The following SNTG1 variants were observed in gnomAD, a reference collection of about 807,000 sequenced individuals.
SNTG1 encodes syntrophin gamma 1, also known as gamma-1-syntrophin.
Under a neutral mutation model 74.7 loss-of-function variants are expected in SNTG1, and 39 were observed. The observed-to-expected ratio is 0.52, with a 90% CI of 0.40 to 0.68. The LOEUF (loss-of-function observed/expected upper bound fraction) is 0.68. Among genes scored for constraint, SNTG1 ranks in the 30% least tolerant of loss-of-function variants. The pLI is 0.00. For synonymous variants in SNTG1, 254 were observed against 217.1 expected (o/e 1.17, Z -1.49); for missense variants, 685 against 609.5 (o/e 1.12, Z -1.30).
At chr8:49,997,455 T>G (rs570764879) in intron 1 of SNTG1, among the ~76,000 whole-genome samples, 1 of 152,148 alleles carries the variant, frequency 6.6e-6, no homozygotes, top group Non-Finnish European at 1.5e-5. Flanking sequence ...AGAGGAGTCA[T>G]GTACTTCCTG....
intron 1 of SNTG1, among the ~76,000 whole-genome samples, chr8:50,068,724 G>C (rs1299965768): frequency 6.6e-6 from 1 of 151,926 alleles, no homozygotes; most frequent in African/African-American, 2.4e-5. Flanking sequence ...ATTCACTACA[G>C]TATCTGTAGT....
intron 2 of SNTG1, among the ~76,000 whole-genome samples, chr8:50,282,854 A>C (rs2088553288): frequency 1.3e-5 from 2 of 152,208 alleles, no homozygotes; most frequent in Admixed American, 1.3e-4. Flanking sequence ...CATTCCATCC[A>C]ATCCTTGGTA....
At chr8:49,922,295 G>A (rs530581355) in intron 1 of SNTG1, among the ~76,000 whole-genome samples, 1 of 152,180 alleles carries the variant, frequency 6.6e-6, no homozygotes, top group Non-Finnish European at 1.5e-5. Flanking sequence ...CTTGGTACTA[G>A]AGGAGTGAAT....
At chr8:50,318,288 G>C (rs1384798336) in intron 2 of SNTG1, among the ~76,000 whole-genome samples, 1 of 152,142 alleles carries the variant, frequency 6.6e-6, no homozygotes, top group Non-Finnish European at 1.5e-5. Flanking sequence ...AATGTTTGAA[G>C]GTAATTATAC....
In SNTG1 at chr8:50,106,620, G is replaced by A. The variant is rs528179716; in HGVS notation, c.-102-65941G>A. On this transcript the variant is annotated intron_variant, in intron 1 of 18. Transcript: ENST00000642720. ...GTTTGTTGAGGATTTTTAACATGAA[G>A]GATGTTGAATTCTATCAAAAGTATT... Among the ~76,000 whole-genome samples the A allele has an allele frequency of 5.3e-5, 8 of 152,194 alleles. 1 individual carries two copies. The South Asian group carries it at 1.7e-3, about 32-fold the overall frequency.
chr8:50,040,104 G>C (rs1330827863), intron 1 of SNTG1, among the ~76,000 whole-genome samples: 2 of 152,150 alleles, frequency 1.3e-5, no homozygotes, highest in African/African-American at 4.8e-5. Context: ...GGACAGGCAA[G>C]CTAAGAGCAG....
At chr8:50,684,517 C>A (rs930333370) in intron 15 of SNTG1, among the ~76,000 whole-genome samples, 2 of 151,908 alleles carry the variant, frequency 1.3e-5, no homozygotes, top group Non-Finnish European at 2.9e-5. Flanking sequence ...AGGGAAAATT[C>A]TGTCTGATGT....
chr8:50,780,184 C>T (rs2095654607), intron 18 of SNTG1, among the ~76,000 whole-genome samples: 1 of 152,122 alleles, frequency 6.6e-6, no homozygotes, highest in Non-Finnish European at 1.5e-5. Flanking sequence ...TATGTCTCTG[C>T]CTGGCTTTGG....
intron 18 of SNTG1, among the ~76,000 whole-genome samples, chr8:50,776,475 T>A (rs1467933339): frequency 6.8e-6 from 1 of 147,574 alleles, no homozygotes; most frequent in East Asian, 2.0e-4. Context: ...TTATGTACTA[T>A]AAATATTGTT....
At chr8:50,363,359 A>G (rs117314654) in intron 2 of SNTG1, among the ~76,000 whole-genome samples, 5,684 of 152,260 alleles carry the variant, frequency 0.037, 144 homozygotes, top group Middle Eastern at 0.085. Context: ...GTTGTGGCCT[A>G]TGTGCAGGTA....
At chr8:50,409,814 G>A (rs1410248874) in intron 4 of SNTG1, among the ~76,000 whole-genome samples, 1 of 152,162 alleles carries the variant, frequency 6.6e-6, no homozygotes, top group Non-Finnish European at 1.5e-5. Flanking sequence ...ATACAAGATG[G>A]CTATCTATTT....
In SNTG1 at chr8:50,223,635, G is replaced by C. The variant is rs28562121; in HGVS notation, c.-28+51000G>C. Among the ~76,000 whole-genome samples, 1,243 of 151,894 alleles carry C rather than the reference G, an allele frequency of 8.2e-3. 19 individuals carry two copies. The highest frequency in any genetic ancestry group is 0.029 in the African/African-American group (1,193 of 41,456). On this transcript the variant is annotated intron_variant, in intron 2 of 18. Coordinates refer to ENST00000642720, the MANE Select transcript of SNTG1 (RefSeq NM_018967.5). Reference sequence around the variant, plus strand: ...ATAATTTGATGAAATGCATCACTTAGGAAACAAAAAGAAAAGAGCAATAAA... The same window carrying C: ...ATAATTTGATGAAATGCATCACTTACGAAACAAAAAGAAAAGAGCAATAAA...
At chr8:50,282,082 C>T (rs1029689428) in intron 2 of SNTG1, among the ~76,000 whole-genome samples, 3 of 152,166 alleles carry the variant, frequency 2.0e-5, no homozygotes, top group African/African-American at 7.2e-5. Flanking sequence ...CCATAAACGA[C>T]AAATAACATC....
chr8:50,697,809 T>C (rs1016659387), intron 15 of SNTG1, among the ~76,000 whole-genome samples: 7 of 152,212 alleles, frequency 4.6e-5, no homozygotes, highest in Admixed American at 4.6e-4. Flanking sequence ...ATGTAATATC[T>C]TTTTGATGTG....
intron 9 of SNTG1, among the ~76,000 whole-genome samples, chr8:50,511,069 C>T (rs2094068296): frequency 6.6e-6 from 1 of 152,170 alleles, no homozygotes; most frequent in Non-Finnish European, 1.5e-5. Context: ...ATAAATTTCC[C>T]TCTACACACA....
At chr8:50,669,412 A>T (rs200394926) in intron 15 of SNTG1, among the ~76,000 whole-genome samples, 2,236 of 151,974 alleles carry the variant, frequency 0.015, 27 homozygotes, top group Non-Finnish European at 0.024. Context: ...ACTACAAACA[A>T]CTCTATGCAA....
intron 1 of SNTG1, among the ~76,000 whole-genome samples, chr8:50,018,450 GT>G (rs1321535507): frequency 1.3e-5 from 2 of 151,958 alleles, no homozygotes; most frequent in Non-Finnish European, 2.9e-5. Context: ...CAAAGAATGA[GT>G]TTTGACCTCT....
At chr8:50,322,277 GA>G (rs1053336567) in intron 2 of SNTG1, among the ~76,000 whole-genome samples, 1 of 152,012 alleles carries the variant, frequency 6.6e-6, no homozygotes, top group African/African-American at 2.4e-5. Context: ...ACTATTCTAG[GA>G]AAAAAGGTGT....
chr8:50,409,829 A>G (rs1158136596), intron 4 of SNTG1, among the ~76,000 whole-genome samples: 1 of 152,252 alleles, frequency 6.6e-6, no homozygotes, highest in Admixed American at 6.5e-5. Context: ...CTATTTCCCC[A>G]TAGAGACACC....
Sources: gnomAD v4.1 joint callset for allele counts (sites outside exome capture counted in the v4.1 genomes callset) on GRCh38, gnomAD v4.1.1 for gene constraint, MANE v1.5 for transcripts, NCBI Gene and HGNC (gene_info 2026-07-23, HGNC 2026-07-21) for gene names.